Variants in CDH20 observed in about 807,000 individuals in gnomAD.
CDH20 encodes cadherin-20.
Under a neutral mutation model 74.2 loss-of-function variants are expected in CDH20, and 29 were observed. That is an observed-to-expected ratio of 0.39 (90% CI 0.29 to 0.53). The LOEUF is 0.53. CDH20 is among the 20% of genes least tolerant of loss of function. The probability of loss-of-function intolerance (pLI) is 0.69; values close to 1 mark genes in which losing one functional copy is unlikely to be tolerated. For synonymous variants in CDH20, 469 were observed against 405.4 expected (o/e 1.16, Z -1.88); for missense variants, 988 against 1,048.3 (o/e 0.94, Z 0.79).
In CDH20 at chr18:61,555,770, A is replaced by G. The variant is rs1162138599; in HGVS notation, c.*1075A>G. 2 of 953,522 alleles carry G rather than the reference A, an allele frequency of 2.1e-6. No homozygotes were observed. The highest frequency in any genetic ancestry group is 2.5e-6 in the Non-Finnish European group (2 of 801,028). 59.1% of individuals were successfully genotyped at this position (953,522 alleles called of 1,614,324 possible). A position where few individuals can be genotyped will look rare whatever the true frequency, so the allele number is the denominator to read the frequency against. On this transcript the variant is annotated 3_prime_UTR_variant, in exon 12 of 12. Transcript: ENST00000262717. ...GCACTTCTTTTAATAAAAGTTAAAT[A>G]GAAGGAAAAGTCTATTGTGAATTTG... is the stretch of plus-strand genomic sequence containing the variant.
At chr18:61,530,458 C>T (rs900519101) in intron 7 of CDH20, among the ~76,000 whole-genome samples, 34 of 151,912 alleles carry the variant, frequency 2.2e-4, no homozygotes, top group African/African-American at 6.8e-4. Context: ...ATTTTTGTTA[C>T]AAAGAACAAA....
At chr18:61,440,801 T>TG (rs1453054626) in intron 1 of CDH20, among the ~76,000 whole-genome samples, 1 of 152,020 alleles carries the variant, frequency 6.6e-6, no homozygotes, top group East Asian at 1.9e-4. Context: ...GAACATGGGA[T>TG]GGGGGAAGGG....
intron 2 of CDH20, among the ~76,000 whole-genome samples, chr18:61,493,607 G>A (rs1043584570): frequency 1.6e-4 from 25 of 152,262 alleles, no homozygotes; most frequent in Admixed American, 1.1e-3. Context: ...GTGTGCCCAC[G>A]CTGCTGCCCT....
chr18:61,497,215 G>C (rs756845450), intron 2 of CDH20, among the ~76,000 whole-genome samples: 1 of 151,166 alleles, frequency 6.6e-6, no homozygotes, highest in African/African-American at 2.4e-5. Flanking sequence ...CTATTTTTTC[G>C]GTCAATTTTA....
chr18:61,449,358 T>C (rs1909306894), intron 1 of CDH20, among the ~76,000 whole-genome samples: 2 of 152,164 alleles, frequency 1.3e-5, no homozygotes, highest in African/African-American at 2.4e-5. Flanking sequence ...CTCTAAGCAA[T>C]GAGTTCTTCC....
At chr18:61,481,003 A>G (rs1270599749) in intron 1 of CDH20, among the ~76,000 whole-genome samples, 1 of 152,242 alleles carries the variant, frequency 6.6e-6, no homozygotes, top group African/African-American at 2.4e-5. Flanking sequence ...CACTGATTAA[A>G]TCAAAGTAAA....
chr18:61,487,646 A>T (rs1231464054), intron 1 of CDH20, among the ~76,000 whole-genome samples: 1 of 152,116 alleles, frequency 6.6e-6, no homozygotes, highest in Non-Finnish European at 1.5e-5. Flanking sequence ...AGTGGAGGGG[A>T]GGAAAATAAG....
intron 4 of CDH20, 139 bp from the exon 5 acceptor site, chr18:61,502,814 A>G: frequency 1.7e-6 from 1 of 595,212 alleles, no homozygotes. Context: ...AGATTTTTTT[A>G]CCTCAAATTT....
intron 1 of CDH20, among the ~76,000 whole-genome samples, chr18:61,370,388 C>T (rs1291122792): frequency 6.6e-6 from 1 of 152,010 alleles, no homozygotes; most frequent in South Asian, 2.1e-4. Context: ...TATATCTATG[C>T]TTTAGGTCCA....
chr18:61,371,684 AG>A (rs1911045616), intron 1 of CDH20, among the ~76,000 whole-genome samples: 1 of 152,090 alleles, frequency 6.6e-6, no homozygotes, highest in South Asian at 2.1e-4. Context: ...AATGGCCAAA[AG>A]AAAAGTAGCT....
intron 1 of CDH20, among the ~76,000 whole-genome samples, chr18:61,394,402 G>A (rs1217919837): frequency 6.6e-6 from 1 of 152,010 alleles, no homozygotes; most frequent in African/African-American, 2.4e-5. Context: ...GTATGACTGG[G>A]GTCCATATAA....
chr18:61,374,334 G>A (rs1485937229), intron 1 of CDH20, among the ~76,000 whole-genome samples: 2 of 152,050 alleles, frequency 1.3e-5, no homozygotes, highest in Non-Finnish European at 2.9e-5. Flanking sequence ...TTCCCCAAAT[G>A]AGGGGAAATT....
At position 61,340,315 on chromosome 18, in the gene CDH20, A is replaced by G. The variant is rs191927798; in HGVS notation, c.-153+6488A>G. Reference sequence around the variant, plus strand: ...ACAGTACATAGTGTAATATGTTGGCATAATTGGGAGCTAGCAGTCAAAAGA... The same window carrying G: ...ACAGTACATAGTGTAATATGTTGGCGTAATTGGGAGCTAGCAGTCAAAAGA... On this transcript the variant is annotated intron_variant, in intron 1 of 11. Transcript: ENST00000262717. Among the ~76,000 whole-genome samples, 25 of 147,338 alleles carry G rather than the reference A, an allele frequency of 1.7e-4. No homozygotes were observed. In the East Asian group the frequency reaches 5.1e-3, roughly 30 times the overall value.
intron 1 of CDH20, among the ~76,000 whole-genome samples, chr18:61,483,391 C>A (rs1299152454): frequency 6.6e-6 from 1 of 152,144 alleles, no homozygotes; most frequent in Non-Finnish European, 1.5e-5. Context: ...TAGGAGTTGA[C>A]CCCACCACCT....
chr18:61,418,279 G>T (rs571865826), intron 1 of CDH20, among the ~76,000 whole-genome samples: 2 of 152,060 alleles, frequency 1.3e-5, no homozygotes, highest in Admixed American at 6.6e-5. Flanking sequence ...TCCTGGCCGG[G>T]CGTGGTGGCT....
At chr18:61,522,739 A>C (rs909241347) in intron 6 of CDH20, among the ~76,000 whole-genome samples, 1 of 152,224 alleles carries the variant, frequency 6.6e-6, no homozygotes, top group African/African-American at 2.4e-5. Context: ...GGAACAGAAC[A>C]GAAGCCTCAG....
chr18:61,342,813 A>C (rs1909995666), intron 1 of CDH20, among the ~76,000 whole-genome samples: 1 of 152,232 alleles, frequency 6.6e-6, no homozygotes. Context: ...CCATGGTTAC[A>C]TCAGCCACAT....
intron 2 of CDH20, among the ~76,000 whole-genome samples, chr18:61,496,615 G>GC (rs1382864020): frequency 6.6e-6 from 1 of 152,158 alleles, no homozygotes; most frequent in African/African-American, 2.4e-5. Flanking sequence ...TGTCGCTGTC[G>GC]TTTCTTAAAG....
At chr18:61,362,856 T>C (rs1910745104) in intron 1 of CDH20, among the ~76,000 whole-genome samples, 1 of 152,156 alleles carries the variant, frequency 6.6e-6, no homozygotes, top group Non-Finnish European at 1.5e-5. Context: ...CATATATACA[T>C]GTTTAATTTA....
Sources: allele counts gnomAD v4.1 joint callset (sites outside exome capture counted in the v4.1 genomes callset), GRCh38; gene constraint gnomAD v4.1.1; transcripts MANE v1.5; gene names NCBI Gene and HGNC (gene_info 2026-07-23, HGNC 2026-07-21).